MSH4: variants seen among roughly 807,000 people sequenced by gnomAD.
MSH4 encodes mutS protein homolog 4.
A neutral mutation model predicts 113.7 loss-of-function variants in MSH4; 106 were observed. That is an observed-to-expected ratio of 0.93 (90% CI 0.80 to 1.10). The LOEUF (loss-of-function observed/expected upper bound fraction) is 1.10, where lower values mean the gene tolerates loss of function less well. MSH4 is among the 50% of genes least tolerant of loss of function. The pLI is 0.00. For synonymous variants in MSH4, 368 were observed against 380.2 expected (o/e 0.97, Z 0.37); for missense variants, 1,061 against 1,093.7 (o/e 0.97, Z 0.42).
chr1:75,826,696 T>G (rs1399657733), intron 7 of MSH4, among the ~76,000 whole-genome samples: 1 of 152,208 alleles, frequency 6.6e-6, no homozygotes, highest in East Asian at 1.9e-4. Context: ...ACTTCTTTGT[T>G]TCTGACTTAA....
intron 7 of MSH4, among the ~76,000 whole-genome samples, chr1:75,844,585 C>A (rs1651036066): frequency 6.6e-6 from 1 of 152,090 alleles, no homozygotes; most frequent in Admixed American, 6.5e-5. Flanking sequence ...CTTGGCCTCC[C>A]AAAGTGCTGG....
At chr1:75,827,505 A>G (rs1650580907) in intron 7 of MSH4, among the ~76,000 whole-genome samples, 1 of 152,152 alleles carries the variant, frequency 6.6e-6, no homozygotes, top group Non-Finnish European at 1.5e-5. Flanking sequence ...CTTAAATGTA[A>G]ATGGGCTAAA....
chr1:75,878,055 A>G, intron 10 of MSH4, 94 bp from the exon 11 acceptor site: 1 of 938,514 alleles, frequency 1.1e-6, no homozygotes, highest in South Asian at 1.8e-5. Context: ...ACTTTCAACA[A>G]AAATTTGCTA....
intron 6 of MSH4, among the ~76,000 whole-genome samples, chr1:75,818,329 C>T (rs900764290): frequency 1.3e-5 from 2 of 152,168 alleles, no homozygotes; most frequent in East Asian, 1.9e-4. Flanking sequence ...TTCTTACCCC[C>T]ACTTGCAAAG....
At chr1:75,874,606 G>A (rs1426666502) in intron 9 of MSH4, among the ~76,000 whole-genome samples, 1 of 152,078 alleles carries the variant, frequency 6.6e-6, no homozygotes, top group African/African-American at 2.4e-5. Context: ...ACAGGTGTGA[G>A]TCACCACACC....
chr1:75,848,483 G>A (rs756153405), intron 8 of MSH4, among the ~76,000 whole-genome samples: 4 of 152,060 alleles, frequency 2.6e-5, no homozygotes, highest in Non-Finnish European at 4.4e-5. Context: ...ATTTCAGCCC[G>A]GCATGGTGGC....
intron 1 of MSH4, among the ~76,000 whole-genome samples, chr1:75,802,556 G>A (rs560682509): frequency 6.6e-6 from 1 of 152,142 alleles, no homozygotes; most frequent in Non-Finnish European, 1.5e-5. Flanking sequence ...AAAATTTTAT[G>A]ACAATCCTGT....
chr1:75,855,221 A>G lies in MSH4; in HGVS notation c.1230+6945A>G, dbSNP rs559781067. Among the ~76,000 whole-genome samples, 4 of 152,174 alleles carry G rather than the reference A, an allele frequency of 2.6e-5. No homozygotes were observed. In the South Asian group the frequency reaches 8.3e-4, roughly 32 times the overall value. ...CCCAACTAATTTTTAAGTTTTTTGT[A>G]GAGATGGGGAATTGTCTTTTTGCCC... On this transcript the variant is annotated intron_variant, in intron 8 of 19. Transcript: ENST00000263187.
At chr1:75,813,449 G>C (rs2100512383) in intron 4 of MSH4, among the ~76,000 whole-genome samples, 1 of 152,220 alleles carries the variant, frequency 6.6e-6, no homozygotes, top group South Asian at 2.1e-4. Context: ...GACTCTACGT[G>C]ACCTACTGCA....
rs1364304800 is a variant in MSH4, at chr1:75,876,956, C to T, written c.1326C>T (p.Asn442=). The change falls in exon 10 of 20, where the codon AAC becomes AAT. Residue 442 remains asparagine (N), a synonymous_variant. Coordinates refer to ENST00000263187, the MANE Select transcript of MSH4 (RefSeq NM_002440.4). ...AATAGATTGCTATGAAGAACTGTAA[C>T]ACACCTTTATTAAGAGCTTACTATG... The part of the protein sequence containing the change: ...DPLKIAMKNC[N]TPLLRAYYGS... The T allele has an allele frequency of 5.1e-6, 8 of 1,560,518 alleles. No homozygotes were observed. The South Asian group carries it at 7.4e-5, about 14-fold the overall frequency.
intron 19 of MSH4, among the ~76,000 whole-genome samples, chr1:75,910,034 A>G (rs1343877282): frequency 3.3e-5 from 5 of 152,072 alleles, no homozygotes; most frequent in African/African-American, 9.7e-5. Flanking sequence ...TATTTTCGTC[A>G]CAGGCTTTTC....
chr1:75,801,510 G>C (rs572805874), intron 1 of MSH4, among the ~76,000 whole-genome samples: 1 of 150,980 alleles, frequency 6.6e-6, no homozygotes, highest in East Asian at 2.0e-4. Flanking sequence ...AGAGGCTGCA[G>C]TGAGCTGAGA....
At chr1:75,898,251 CTAGATA>C (rs5745540) in intron 18 of MSH4, among the ~76,000 whole-genome samples, 170 bp downstream of exon 18, 228 of 151,848 alleles carry the variant, frequency 1.5e-3, no homozygotes, top group African/African-American at 5.2e-3. Context: ...GTATCTATAT[CTAGATA>C]TAGATATATA....
intron 15 of MSH4, among the ~76,000 whole-genome samples, chr1:75,887,566 T>C (rs1652153285): frequency 6.6e-6 from 1 of 152,084 alleles, no homozygotes; most frequent in East Asian, 1.9e-4. Context: ...GTTATCTGGT[T>C]AACACTCATA....
At chr1:75,885,405 C>A (rs1652053202) in intron 15 of MSH4, among the ~76,000 whole-genome samples, 1 of 128,702 alleles carries the variant, frequency 7.8e-6, no homozygotes. Flanking sequence ...CCCTTTTCCT[C>A]CACCTCCCAC....
rs563264072 is a variant in MSH4 at position 75,907,349 on chromosome 1, G to A, written c.2620-5347G>A. On this transcript the variant is annotated intron_variant, in intron 19 of 19. Coordinates refer to ENST00000263187, the MANE Select transcript of MSH4 (RefSeq NM_002440.4). ...TATTCCACTCCCTCCTGATCTATAT[G>A]GTTTTTGTTGAGAAGTCTGTTGCCA... Among the ~76,000 whole-genome samples, 16 of 151,894 alleles carry A rather than the reference G, an allele frequency of 1.1e-4. No homozygotes were observed. The South Asian group carries it at 2.1e-3, about 20-fold the overall frequency.
chr1:75,895,604 CATAT>C (rs1652362415), intron 17 of MSH4, among the ~76,000 whole-genome samples: 1 of 152,026 alleles, frequency 6.6e-6, no homozygotes, highest in Non-Finnish European at 1.5e-5. Flanking sequence ...TATATATATA[CATAT>C]ATTAAACAAA....
intron 16 of MSH4, among the ~76,000 whole-genome samples, chr1:75,890,195 C>A (rs914084729): frequency 6.6e-6 from 1 of 151,936 alleles, no homozygotes; most frequent in African/African-American, 2.4e-5. Flanking sequence ...GTCTTAGTCT[C>A]CATTGGTCAT....
At chr1:75,820,996 C>T (rs905107047) in intron 6 of MSH4, among the ~76,000 whole-genome samples, 19 of 151,506 alleles carry the variant, frequency 1.3e-4, no homozygotes, top group Admixed American at 3.3e-4. Context: ...GACAGATCAA[C>T]GAGACAGAAA....
Sources: gnomAD v4.1 joint callset for allele counts (sites outside exome capture counted in the v4.1 genomes callset) on GRCh38, gnomAD v4.1.1 for gene constraint, MANE v1.5 for transcripts, NCBI Gene and HGNC (gene_info 2026-07-23, HGNC 2026-07-21) for gene names.